CAST: variants seen among roughly 807,000 people sequenced by gnomAD.
CAST encodes calpastatin.
Under a neutral mutation model 119.6 loss-of-function variants are expected in CAST, and 76 were observed. The observed-to-expected ratio is 0.64, with a 90% CI of 0.53 to 0.77. CAST has a LOEUF of 0.77. Ranked by LOEUF, CAST falls within the 30% of genes least tolerant of loss-of-function variation. The pLI, the probability that CAST is intolerant of heterozygous loss-of-function variation, is 0.00. For synonymous variants in CAST, 319 were observed against 331.6 expected (o/e 0.96, Z 0.41); for missense variants, 953 against 946.5 (o/e 1.01, Z -0.09).
At chr5:96,198,353 T>A in the CAST span, among the ~76,000 whole-genome samples, 1 of 152,152 alleles carries the variant, frequency 6.6e-6, no homozygotes, top group African/African-American at 2.4e-5. Flanking sequence ...CCTTTGCCCC[T>A]CCCTTTGTCA....
At chr5:96,022,418 T>TA in the CAST span, among the ~76,000 whole-genome samples, 1 of 152,188 alleles carries the variant, frequency 6.6e-6, no homozygotes, top group African/African-American at 2.4e-5. Flanking sequence ...TTAAAACAAG[T>TA]AAAAAAATAT....
the CAST span, among the ~76,000 whole-genome samples, chr5:96,470,994 A>C: frequency 6.6e-6 from 1 of 152,134 alleles, no homozygotes; most frequent in Non-Finnish European, 1.5e-5. Flanking sequence ...TCCAGAGTTG[A>C]GAAGGGCTTT....
At chr5:96,530,807 C>T (rs34976806) in intron 1 of CAST, among the ~76,000 whole-genome samples, 86,110 of 151,860 alleles carry the variant, frequency 0.57, 24,562 homozygotes, top group South Asian at 0.61. Context: ...AAAATTTTCT[C>T]TTGAGAATGG....
the CAST span, among the ~76,000 whole-genome samples, chr5:96,517,255 C>T: frequency 5.8e-4 from 88 of 152,040 alleles, 1 homozygote; most frequent in African/African-American, 2.0e-3. Flanking sequence ...AATACAAATG[C>T]TAGCTTTGGT....
the CAST span, among the ~76,000 whole-genome samples, chr5:96,246,463 C>T: frequency 7.2e-5 from 11 of 152,222 alleles, no homozygotes; most frequent in South Asian, 4.1e-4. Flanking sequence ...GGATTACAGG[C>T]GTGAGCCAAA....
intron 2 of CAST, among the ~76,000 whole-genome samples, chr5:96,683,638 T>C (rs1289901720): frequency 6.6e-6 from 1 of 152,232 alleles, no homozygotes; most frequent in African/African-American, 2.4e-5. Flanking sequence ...TATTTCTCTG[T>C]GTGGTCCCGG....
At chr5:96,033,146 A>G in the CAST span, among the ~76,000 whole-genome samples, 6 of 152,280 alleles carry the variant, frequency 3.9e-5, no homozygotes, top group Admixed American at 3.3e-4. Context: ...ACTAAAAGTT[A>G]TAAAATATTG....
chr5:96,365,781 T>C, the CAST span, among the ~76,000 whole-genome samples: 1 of 152,234 alleles, frequency 6.6e-6, no homozygotes, highest in Admixed American at 6.5e-5. Flanking sequence ...TTTATCCAAT[T>C]TGCCAGTCTG....
intron 1 of CAST, chr5:96,585,162 A>G (rs1420370291): frequency 1.3e-5 from 2 of 152,224 alleles, no homozygotes; most frequent in Non-Finnish European, 2.9e-5. Context: ...GGAAACTCCT[A>G]GACTCCATTA....
intron 1 of CAST, among the ~76,000 whole-genome samples, chr5:96,650,563 A>G (rs1748077364): frequency 6.6e-6 from 1 of 152,180 alleles, no homozygotes; most frequent in South Asian, 2.1e-4. Flanking sequence ...TTGAAATCCA[A>G]TATTAACAAT....
chr5:96,320,871 G>A, the CAST span, among the ~76,000 whole-genome samples: 2 of 152,076 alleles, frequency 1.3e-5, no homozygotes, highest in African/African-American at 4.8e-5. Context: ...AAACAGAGGT[G>A]GCACACCAGC....
the CAST span, among the ~76,000 whole-genome samples, chr5:96,092,978 A>G: frequency 1.3e-5 from 2 of 152,156 alleles, no homozygotes; most frequent in East Asian, 3.8e-4. Context: ...AATTCACCCA[A>G]TGCCTTTTCT....
the CAST span, among the ~76,000 whole-genome samples, chr5:96,293,720 C>T: frequency 6.6e-6 from 1 of 152,032 alleles, no homozygotes; most frequent in Non-Finnish European, 1.5e-5. Flanking sequence ...TAGGCCTCAT[C>T]GTCATATAGT....
chr5:96,359,600 A>C, the CAST span, among the ~76,000 whole-genome samples: 1 of 152,104 alleles, frequency 6.6e-6, no homozygotes, highest in Non-Finnish European at 1.5e-5. Context: ...GAAACTTAGT[A>C]TGACTGGATT....
At chr5:96,105,531 T>C in the CAST span, among the ~76,000 whole-genome samples, 1 of 152,198 alleles carries the variant, frequency 6.6e-6, no homozygotes, top group South Asian at 2.1e-4. Flanking sequence ...ATATGCTGGA[T>C]TACATTTATT....
At chr5:96,048,094 A>G in the CAST span, among the ~76,000 whole-genome samples, 1 of 152,206 alleles carries the variant, frequency 6.6e-6, no homozygotes, top group Admixed American at 6.5e-5. Context: ...TTGAGCACCT[A>G]TTATGCACTT....
the CAST span, among the ~76,000 whole-genome samples, chr5:95,983,409 A>G: frequency 6.6e-6 from 1 of 152,156 alleles, no homozygotes; most frequent in Non-Finnish European, 1.5e-5. Flanking sequence ...CATAGTCTAT[A>G]TATATTTGTA....
chr5:96,032,736 T>C, the CAST span, among the ~76,000 whole-genome samples: 1 of 152,116 alleles, frequency 6.6e-6, no homozygotes, highest in South Asian at 2.1e-4. Flanking sequence ...ATATTTATCA[T>C]TGTGAAAAAC....
the CAST span, among the ~76,000 whole-genome samples, chr5:96,367,709 A>T: frequency 6.6e-6 from 1 of 152,058 alleles, no homozygotes; most frequent in African/African-American, 2.4e-5. Flanking sequence ...CCAATTTTCC[A>T]GGTGCCATTT....
Sources: allele counts gnomAD v4.1 joint callset (sites outside exome capture counted in the v4.1 genomes callset), GRCh38; gene constraint gnomAD v4.1.1; transcripts MANE v1.5; gene names NCBI Gene and HGNC (gene_info 2026-07-23, HGNC 2026-07-21).